The following KLHL12 variants were observed in gnomAD, a reference collection of about 807,000 sequenced individuals.
The protein encoded by KLHL12 is kelch-like protein 12.
A neutral mutation model predicts 60.8 loss-of-function variants in KLHL12; 17 were observed. That is an observed-to-expected ratio of 0.28 (90% CI 0.19 to 0.42). The LOEUF (loss-of-function observed/expected upper bound fraction) is 0.42, where lower values mean the gene tolerates loss of function less well. Ranked by LOEUF, KLHL12 falls within the 10% of genes least tolerant of loss-of-function variation. The pLI, the probability that KLHL12 is intolerant of heterozygous loss-of-function variation, is 1.00. For missense variants in KLHL12, 468 were observed against 722.3 expected (o/e 0.65, Z 4.04); for synonymous variants, 220 against 250.9 (o/e 0.88, Z 1.16).
chr1:202,912,807 A>G, intron 4 of KLHL12: 2 of 865,386 alleles, frequency 2.3e-6, no homozygotes, highest in South Asian at 2.8e-5. Context: ...AGATTTGTGA[A>G]CTCAGCCAAG....
intron 4 of KLHL12, chr1:202,912,504 G>A: frequency 1.0e-6 from 1 of 961,806 alleles, no homozygotes; most frequent in Non-Finnish European, 1.7e-6. Flanking sequence ...GGCGATAATG[G>A]ATTTGGTAAT....
intron 10 of KLHL12, 80 bp downstream of exon 10, chr1:202,894,104 G>T: frequency 1.3e-6 from 1 of 758,692 alleles, no homozygotes. Context: ...TTAATCTACG[G>T]TTTGTCCCAT....
At chr1:202,918,118 G>T in intron 4 of KLHL12, 53 bp downstream of exon 4, 1 of 1,365,342 alleles carries the variant, frequency 7.3e-7, no homozygotes, top group Non-Finnish European at 1.0e-6. Context: ...CTATTTGCAA[G>T]TTTTGTAATT....
intron 6 of KLHL12, among the ~76,000 whole-genome samples, chr1:202,899,377 C>T (rs1659935922): frequency 6.6e-6 from 1 of 152,108 alleles, no homozygotes; most frequent in South Asian, 2.1e-4. Context: ...CATTATATTA[C>T]TATTTTTATG....
intron 2 of KLHL12, among the ~76,000 whole-genome samples, chr1:202,922,172 T>C (rs1354796942): frequency 2.0e-5 from 3 of 152,214 alleles, no homozygotes; most frequent in African/African-American, 7.2e-5. Flanking sequence ...TACAGTTATA[T>C]TTTGCTTTAG....
At chr1:202,894,532 T>C (rs1199584464) in intron 9 of KLHL12, 59 bp downstream of exon 9, 3 of 1,560,220 alleles carry the variant, frequency 1.9e-6, no homozygotes, top group East Asian at 4.5e-5. Context: ...AAAGGAATCC[T>C]TACCCACAGC....
intron 6 of KLHL12, among the ~76,000 whole-genome samples, chr1:202,899,922 T>G (rs765244944): frequency 5.3e-5 from 8 of 152,126 alleles, no homozygotes; most frequent in Non-Finnish European, 1.0e-4. Context: ...TGCCTAAAAT[T>G]ACTTCAAGTT....
At chr1:202,923,639 A>G (rs1653334434) in intron 2 of KLHL12, among the ~76,000 whole-genome samples, 1 of 152,232 alleles carries the variant, frequency 6.6e-6, no homozygotes, top group Non-Finnish European at 1.5e-5. Flanking sequence ...CACCTCTAGC[A>G]CTTACAAGCC....
intron 4 of KLHL12, among the ~76,000 whole-genome samples, chr1:202,915,162 A>G (rs2102444232): frequency 6.6e-6 from 1 of 152,352 alleles, no homozygotes; most frequent in South Asian, 2.1e-4. Context: ...TTATGCTCAG[A>G]ACAGTCCTGT....
chr1:202,908,765 G>A (rs1384486199), intron 6 of KLHL12, among the ~76,000 whole-genome samples: 3 of 152,122 alleles, frequency 2.0e-5, no homozygotes, highest in Admixed American at 6.5e-5. Context: ...GCCTGACAAT[G>A]TATAAAGTGC....
chr1:202,897,059 G>GT (rs1659856946), intron 6 of KLHL12, 99 bp from the exon 7 acceptor site: 1 of 897,834 alleles, frequency 1.1e-6, no homozygotes. Flanking sequence ...AGGATGTCTT[G>GT]TTTTATGTGG....
rs1172934137 is a variant in KLHL12, at chr1:202,892,380, G to GT, written c.*152dup. 4.1e-6 allele frequency: 3 copies of GT among 731,270 alleles called. No homozygotes were observed. The highest frequency in any genetic ancestry group is 6.4e-6 in the Non-Finnish European group (3 of 470,788). The allele number at this position is 731,270 out of a possible 1,614,324, so 45.3% of individuals were successfully genotyped here. On this transcript the variant is annotated 3_prime_UTR_variant, in exon 12 of 12. Transcript: ENST00000367261. ...GGAACAAGAACCAGGACGACGGGGA[G>GT]TATGTGTCAAATAAGTACAATCATC...
intron 2 of KLHL12, among the ~76,000 whole-genome samples, chr1:202,923,579 G>A (rs1190945024): frequency 6.6e-6 from 1 of 152,190 alleles, no homozygotes; most frequent in African/African-American, 2.4e-5. Flanking sequence ...GGCGGCACAA[G>A]AGTTACAAAC....
chr1:202,901,233 C>T (rs1333304722), intron 6 of KLHL12, among the ~76,000 whole-genome samples: 1 of 152,086 alleles, frequency 6.6e-6, no homozygotes, highest in Non-Finnish European at 1.5e-5. Flanking sequence ...AGTGGAACTT[C>T]GTAAGAGGTG....
In KLHL12 at chr1:202,893,337, G is replaced by A. The variant is rs1659735564; in HGVS notation, c.1482C>T (p.Asn494=). The A allele has an allele frequency of 6.2e-6, 10 of 1,613,938 alleles. No homozygotes were observed. The highest frequency in any genetic ancestry group is 8.5e-6 in the Non-Finnish European group (10 of 1,179,878). The part of the protein sequence containing the change: ...TAHLSSVEAY[N]IRTDSWTTVT... ...CAGTTGTCCAGGAATCAGTGCGAATGTTGTATGCTTCAACGGAAGAAAGGT... is the reference window on the plus strand; with the variant it reads ...CAGTTGTCCAGGAATCAGTGCGAATATTGTATGCTTCAACGGAAGAAAGGT... The change falls in exon 11 of 12, where the codon AAC becomes AAT. Residue 494 remains asparagine (N), a synonymous_variant. Coordinates refer to ENST00000367261, the MANE Select transcript of KLHL12 (RefSeq NM_021633.4). The surrounding 1 kb of genome is among the most constrained non-coding windows in gnomAD (Gnocchi z 4.1).
rs766887247 is a variant in KLHL12, at chr1:202,895,460, G to T, written c.1135+62C>A. 2.8e-6 allele frequency: 4 copies of T among 1,421,376 alleles called. No homozygotes were observed. The Admixed American group carries it at 7.8e-5, about 28-fold the overall frequency. 88.0% of individuals were successfully genotyped at this position (1,421,376 alleles called of 1,614,324 possible). On this transcript the variant is annotated intron_variant, in intron 8 of 11. Coordinates refer to ENST00000367261, the MANE Select transcript of KLHL12 (RefSeq NM_021633.4). This position sits in a 1 kb window ranked among gnomAD's most constrained non-coding sequence, Gnocchi z 4.2. ...CATGCTCCTGCCAGACAACAGGAGA[G>T]GTTAAAAACCCTGGTCCAGCCACAG... is the stretch of plus-strand genomic sequence containing the variant.
chr1:202,916,207 G>A (rs1660515653), intron 4 of KLHL12, among the ~76,000 whole-genome samples: 1 of 152,212 alleles, frequency 6.6e-6, no homozygotes, highest in African/African-American at 2.4e-5. Flanking sequence ...TGCAACAGCA[G>A]CTTCTCTGGG....
chr1:202,919,660 G>A, intron 3 of KLHL12, 95 bp downstream of exon 3: 1 of 1,183,406 alleles, frequency 8.5e-7, no homozygotes, highest in East Asian at 2.5e-5. Flanking sequence ...TCCATAGTTT[G>A]TCTCCAAAAT....
At chr1:202,901,018 C>G (rs985426634) in intron 6 of KLHL12, among the ~76,000 whole-genome samples, 5 of 152,090 alleles carry the variant, frequency 3.3e-5, no homozygotes, top group African/African-American at 1.2e-4. Context: ...TACACTCCAG[C>G]CTGGGTGACA....
Sources: allele counts gnomAD v4.1 joint callset (sites outside exome capture counted in the v4.1 genomes callset), GRCh38; gene constraint gnomAD v4.1.1; non-coding constraint Gnocchi (gnomAD v3.1); transcripts MANE v1.5; gene names NCBI Gene and HGNC (gene_info 2026-07-23, HGNC 2026-07-21).